Variants in NTRK1 observed in about 807,000 individuals in gnomAD.
The protein encoded by NTRK1 is high affinity nerve growth factor receptor.
In NTRK1, 62 loss-of-function variants were observed where a neutral mutation model predicts 86.8. That is an observed-to-expected ratio of 0.71 (90% CI 0.58 to 0.88). The LOEUF (loss-of-function observed/expected upper bound fraction) is 0.88, where lower values mean the gene tolerates loss of function less well. NTRK1 is among the 40% of genes least tolerant of loss of function. NTRK1 has a pLI of 0.00. For synonymous variants in NTRK1, 469 were observed against 456.6 expected, an observed-to-expected ratio of 1.03 and a Z score of -0.35; for missense variants, 967 against 1,078.4, an observed-to-expected ratio of 0.90 and a Z score of 1.45.
intron 1 of NTRK1, chr1:156,840,313 T>G (rs1387543314): frequency 4.4e-5 from 7 of 157,500 alleles, no homozygotes; most frequent in African/African-American, 9.8e-5. Context: ...GAGGAGGAGG[T>G]GAGGGCGGGC....
chr1:156,828,323 C>T (rs953329376), intron 1 of NTRK1, among the ~76,000 whole-genome samples: 1 of 152,098 alleles, frequency 6.6e-6, no homozygotes, highest in Admixed American at 6.5e-5. Context: ...AGGTGGTAAC[C>T]GTGTCTTATT....
At chr1:156,846,035 T>C (rs745393922) in intron 2 of NTRK1, 6 of 1,613,794 alleles carry the variant, frequency 3.7e-6, no homozygotes, top group African/African-American at 2.7e-5. Flanking sequence ...GAGGTTCCCA[T>C]TGCGCTGGGT....
intron 2 of NTRK1, chr1:156,845,151 G>A: frequency 6.2e-7 from 1 of 1,611,850 alleles, no homozygotes; most frequent in Non-Finnish European, 8.5e-7. Context: ...TTGCAGGCAT[G>A]GATGTCGATC....
intron 2 of NTRK1, chr1:156,842,548 C>G: frequency 1.3e-6 from 2 of 1,558,754 alleles, no homozygotes; most frequent in Non-Finnish European, 1.8e-6. Context: ...CCTAGTTCCC[C>G]TTGACCCATT....
rs780724741 is a variant in NTRK1, at chr1:156,876,021, G to T, written c.1502-59G>T. 8 of 1,613,498 alleles carry T rather than the reference G, an allele frequency of 5.0e-6. No homozygotes were observed. The South Asian group carries it at 6.6e-5, about 13-fold the overall frequency. On this transcript the variant is annotated intron_variant, in intron 12 of 16. Coordinates refer to ENST00000524377, the MANE Select transcript of NTRK1 (RefSeq NM_002529.4). ...ACACAGCCCTGCCAAGACAGTCCCC[G>T]CTACAACCCCAGCCCTCCCAAGACT...
intron 2 of NTRK1, chr1:156,849,150 C>T: frequency 1.2e-6 from 2 of 1,600,060 alleles, no homozygotes. Flanking sequence ...CTGAGGAGAA[C>T]TTCTCAGAGT....
At chr1:156,816,930 G>A (rs1654003833) in intron 1 of NTRK1, 3 of 415,950 alleles carry the variant, frequency 7.2e-6, no homozygotes, top group African/African-American at 4.1e-5. Flanking sequence ...CGGTGGTATA[G>A]CGGTGGGGGG....
chr1:156,828,635 A>C (rs1357870518), intron 1 of NTRK1, among the ~76,000 whole-genome samples: 1 of 152,220 alleles, frequency 6.6e-6, no homozygotes, highest in South Asian at 2.1e-4. Flanking sequence ...GACGAGGATG[A>C]TGAGGAAGAA....
intron 2 of NTRK1, chr1:156,845,533 A>AAACCCCCCCCCCCC: frequency 1.4e-6 from 1 of 727,994 alleles, no homozygotes; most frequent in Non-Finnish European, 1.9e-6. Context: ...GCAAGGCCCC[A>AAACCCCCCCCCCCC]CCCACAAACC....
rs1417437511 is a variant in NTRK1, at chr1:156,864,608, AG to A, written c.288-116del. On this transcript the variant is annotated intron_variant, in intron 2 of 16. Coordinates refer to ENST00000524377, the MANE Select transcript of NTRK1 (RefSeq NM_002529.4). The stretch of plus-strand genomic sequence containing the variant: ...GTCTAGAGTAGTTGAGGAAACAATG[AG>A]GGGCCTGAGGAGGGGTAGGGGTTCA... The A allele has an allele frequency of 1.2e-5, 14 of 1,182,558 alleles. No homozygotes were observed. The Admixed American group carries it at 2.8e-4, about 23-fold the overall frequency. The allele number at this position is 1,182,558 out of a possible 1,614,324, so 73.3% of individuals were successfully genotyped here.
At chr1:156,835,933 C>T (rs1654588515) in intron 1 of NTRK1, among the ~76,000 whole-genome samples, 1 of 152,180 alleles carries the variant, frequency 6.6e-6, no homozygotes, top group Non-Finnish European at 1.5e-5. Context: ...GCTAGCCAGG[C>T]CCCTTCTCCC....
chr1:156,881,159 C>T (rs1368167240), intron 16 of NTRK1, among the ~76,000 whole-genome samples: 2 of 152,200 alleles, frequency 1.3e-5, no homozygotes, highest in African/African-American at 4.8e-5. Flanking sequence ...AATACCTCAG[C>T]CCCTCGCCTT....
intron 2 of NTRK1, chr1:156,851,796 G>A (rs773006653): frequency 6.2e-7 from 1 of 1,605,198 alleles, no homozygotes. Flanking sequence ...ATGCTAGCAG[G>A]AGCAAGCAGA....
At chr1:156,881,121 C>T (rs892613312) in intron 16 of NTRK1, among the ~76,000 whole-genome samples, 1 of 152,190 alleles carries the variant, frequency 6.6e-6, no homozygotes, top group African/African-American at 2.4e-5. Context: ...CTCCTTTCAG[C>T]CCCCAACACT....
rs1655960379 is a variant in NTRK1, at chr1:156,866,910, G to A, written c.360G>A (p.Leu120=). The change falls in exon 4 of 17, where the codon CTG becomes CTA. Residue 120 remains leucine, a splice_region_variant and synonymous_variant. Coordinates refer to ENST00000524377, the MANE Select transcript of NTRK1 (RefSeq NM_002529.4). ...AFHFTPRLSR[L]NLSFNALESL... ...TCTTGCTGTGTCTCCACGCCCGCAG[G>A]AATCTCTCCTTCAACGCTCTGGAGT... 2 of 1,614,240 alleles carry A rather than the reference G, an allele frequency of 1.2e-6. No individual in the cohort carries two copies. Among genetic ancestry groups the A allele is most frequent in the East Asian group, 2.2e-5 (1 of 44,886 alleles).
At chr1:156,867,652 CTTTCTTTTCT>C (rs1175607828) in intron 4 of NTRK1, among the ~76,000 whole-genome samples, 6 of 149,348 alleles carry the variant, frequency 4.0e-5, no homozygotes, top group East Asian at 2.0e-4. Flanking sequence ...TCTTTTCTTT[CTTTCTTTTCT>C]TTTCTTTTCT....
intron 6 of NTRK1, among the ~76,000 whole-genome samples, chr1:156,870,398 C>T (rs1249817281): frequency 6.6e-6 from 1 of 152,038 alleles, no homozygotes; most frequent in Non-Finnish European, 1.5e-5. Flanking sequence ...AAAATTGCAC[C>T]CTAAATGGGT....
intron 2 of NTRK1, among the ~76,000 whole-genome samples, chr1:156,852,803 T>C (rs1331745925): frequency 6.6e-6 from 1 of 152,240 alleles, no homozygotes. Context: ...ACACTGTACA[T>C]GAGAGGATGC....
intron 2 of NTRK1, among the ~76,000 whole-genome samples, chr1:156,848,305 C>CAG (rs548433961): frequency 7.6e-4 from 115 of 152,190 alleles, no homozygotes; most frequent in Admixed American, 1.6e-3. Flanking sequence ...TAATATCTAC[C>CAG]AGAGAGAGAG....
Sources: allele counts gnomAD v4.1 joint callset (sites outside exome capture counted in the v4.1 genomes callset), GRCh38; gene constraint gnomAD v4.1.1; transcripts MANE v1.5; gene names NCBI Gene and HGNC (gene_info 2026-07-23, HGNC 2026-07-21).